Variants in FAM114A1 observed in about 807,000 individuals in gnomAD.
FAM114A1 encodes protein NOXP20.
A neutral mutation model predicts 64.3 loss-of-function variants in FAM114A1; 62 were observed. The ratio of observed to expected loss-of-function variants is 0.96; its 90% CI spans 0.79 to 1.19. The LOEUF (loss-of-function observed/expected upper bound fraction) is 1.19. FAM114A1 is among the 50% of genes most tolerant of loss of function. The pLI, the probability that FAM114A1 is intolerant of heterozygous loss-of-function variation, is 0.00. For missense variants in FAM114A1, 645 were observed against 676.3 expected, an observed-to-expected ratio of 0.95 and a Z score of 0.51; for synonymous variants, 254 against 251.1, an observed-to-expected ratio of 1.01 and a Z score of -0.11.
At chr4:38,871,168 T>C (rs146066769) in intron 2 of FAM114A1, among the ~76,000 whole-genome samples, 3,381 of 149,008 alleles carry the variant, frequency 0.023, 133 homozygotes, top group Admixed American at 0.089. Flanking sequence ...TGGCTCACTG[T>C]AGCCTCTGCC....
intron 12 of FAM114A1, among the ~76,000 whole-genome samples, chr4:38,933,887 GTAAGTTTTT>G (rs1220149388): frequency 1.3e-5 from 2 of 152,172 alleles, no homozygotes; most frequent in South Asian, 4.1e-4. Flanking sequence ...CGGTTGGGGA[GTAAGTTTTT>G]AGTGGAAAGA....
rs9995323 is a variant in FAM114A1 at position 38,923,596 on chromosome 4, T to C, written c.1069+703T>C. ...TTAATGTTGATGGTGGGCAAATCTTTCCCTGAATTTTTTTGTATATTTTTC... is the reference window on the plus strand; with the variant it reads ...TTAATGTTGATGGTGGGCAAATCTTCCCCTGAATTTTTTTGTATATTTTTC... On this transcript the variant is annotated intron_variant, in intron 9 of 14. Coordinates refer to ENST00000358869, the MANE Select transcript of FAM114A1 (RefSeq NM_138389.4). Among the ~76,000 whole-genome samples, 759 of 152,198 alleles carry C rather than the reference T, an allele frequency of 5.0e-3. 10 individuals carry two copies. The highest frequency in any genetic ancestry group is 0.048 in the South Asian group (233 of 4,814).
chr4:38,876,450 T>C (rs12508175), intron 2 of FAM114A1, among the ~76,000 whole-genome samples: 41,698 of 151,928 alleles, frequency 0.27, 6,110 homozygotes, highest in African/African-American at 0.31. Flanking sequence ...GGATTACAGG[T>C]GTGAGCCATT....
chr4:38,893,760 A>G lies in FAM114A1; in HGVS notation c.436+1930A>G, dbSNP rs182863098. Among the ~76,000 whole-genome samples, 95 of 152,256 alleles carry G rather than the reference A, an allele frequency of 6.2e-4. No individual in the cohort carries two copies. In the Middle Eastern group the frequency reaches 0.044, roughly 71 times the overall value. ...TTCTTAGGTGTCTTGCTATAATCTGACCTTTGCACACATGCAGCTTTGGTT... is the reference window on the plus strand; with the variant it reads ...TTCTTAGGTGTCTTGCTATAATCTGGCCTTTGCACACATGCAGCTTTGGTT... On this transcript the variant is annotated intron_variant, in intron 4 of 14. Transcript: ENST00000358869.
At chr4:38,936,441 A>T (rs1016863115) in intron 13 of FAM114A1, among the ~76,000 whole-genome samples, 2 of 151,496 alleles carry the variant, frequency 1.3e-5, no homozygotes, top group African/African-American at 4.9e-5. Flanking sequence ...TTATTACTTA[A>T]TATCTGTGAT....
chr4:38,884,640 G>A (rs1715617107), intron 3 of FAM114A1, among the ~76,000 whole-genome samples: 1 of 152,208 alleles, frequency 6.6e-6, no homozygotes, highest in Non-Finnish European at 1.5e-5. Context: ...GTACCACACT[G>A]ACATTTTTAA....
intron 4 of FAM114A1, among the ~76,000 whole-genome samples, chr4:38,902,371 G>A (rs143621024): frequency 0.016 from 2,406 of 152,202 alleles, 80 homozygotes; most frequent in African/African-American, 0.054. Context: ...CAATAATCTC[G>A]CAAAACTCTG....
chr4:38,927,962 G>A (rs533207931), intron 9 of FAM114A1, among the ~76,000 whole-genome samples: 7 of 152,190 alleles, frequency 4.6e-5, no homozygotes, highest in Non-Finnish European at 1.0e-4. Flanking sequence ...GATTACAGGC[G>A]TGAGCCACCG....
chr4:38,916,756 A>C (rs548060804), intron 8 of FAM114A1, among the ~76,000 whole-genome samples: 1 of 152,318 alleles, frequency 6.6e-6, no homozygotes, highest in African/African-American at 2.4e-5. Flanking sequence ...GTGTATACCT[A>C]TGTTAACAAA....
chr4:38,932,401 A>G (rs1720727185), intron 12 of FAM114A1, 27 bp downstream of exon 12: 15 of 1,573,744 alleles, frequency 9.5e-6, no homozygotes, highest in Non-Finnish European at 1.3e-5. Flanking sequence ...TTAAATTCTT[A>G]TTTTCCCAGT....
At chr4:38,874,130 T>C (rs1195842755) in intron 2 of FAM114A1, among the ~76,000 whole-genome samples, 2 of 152,188 alleles carry the variant, frequency 1.3e-5, no homozygotes, top group Admixed American at 1.3e-4. Flanking sequence ...TGTGGTTCAG[T>C]CTCAAAGTCA....
intron 4 of FAM114A1, among the ~76,000 whole-genome samples, chr4:38,900,955 A>T (rs1263285018): frequency 6.6e-6 from 1 of 152,222 alleles, no homozygotes; most frequent in Non-Finnish European, 1.5e-5. Context: ...CACAAAAAAA[A>T]AATGGAGTAA....
intron 12 of FAM114A1, among the ~76,000 whole-genome samples, chr4:38,934,210 A>T (rs1249743654): frequency 6.6e-6 from 1 of 152,162 alleles, no homozygotes. Flanking sequence ...CTAGGTATGG[A>T]TAGTGACCTT....
intron 12 of FAM114A1, among the ~76,000 whole-genome samples, chr4:38,934,015 G>A (rs1251108611): frequency 3.3e-5 from 5 of 152,250 alleles, no homozygotes; most frequent in Admixed American, 2.0e-4. Context: ...AAAAATCAAA[G>A]TTATTATAAG....
intron 9 of FAM114A1, among the ~76,000 whole-genome samples, chr4:38,925,162 T>C (rs1011301313): frequency 1.3e-5 from 2 of 152,194 alleles, no homozygotes; most frequent in East Asian, 1.9e-4. Flanking sequence ...GCTTTAGCAA[T>C]GGTAGGTTTG....
intron 3 of FAM114A1, among the ~76,000 whole-genome samples, chr4:38,880,117 A>G (rs11938831): frequency 0.13 from 6,880 of 51,410 alleles, 408 homozygotes; most frequent in Non-Finnish European, 0.16. Context: ...GTAGAATAGA[A>G]TAGAATAGAA....
chr4:38,877,600 G>T (rs553900951), intron 2 of FAM114A1, among the ~76,000 whole-genome samples: 1 of 152,176 alleles, frequency 6.6e-6, no homozygotes, highest in Non-Finnish European at 1.5e-5. Context: ...GTTCCTAACA[G>T]GCCATGGACT....
intron 14 of FAM114A1, among the ~76,000 whole-genome samples, chr4:38,941,253 C>T (rs1054477935): frequency 2.0e-5 from 3 of 152,030 alleles, no homozygotes; most frequent in African/African-American, 7.3e-5. Context: ...TAAGCTTGCA[C>T]GTTATTTCTG....
At chr4:38,891,146 C>A (rs1716335245) in intron 3 of FAM114A1, among the ~76,000 whole-genome samples, 1 of 152,208 alleles carries the variant, frequency 6.6e-6, no homozygotes, top group Admixed American at 6.5e-5. Flanking sequence ...AGGTCAGGGA[C>A]AGTCTTATCC....
Sources: allele counts gnomAD v4.1 joint callset (sites outside exome capture counted in the v4.1 genomes callset), GRCh38; gene constraint gnomAD v4.1.1; transcripts MANE v1.5; gene names NCBI Gene and HGNC (gene_info 2026-07-23, HGNC 2026-07-21).